The following CPXM2 variants were observed in gnomAD, a reference collection of about 807,000 sequenced individuals.
The protein encoded by CPXM2 is inactive carboxypeptidase-like protein X2.
A neutral mutation model predicts 86.1 loss-of-function variants in CPXM2; 66 were observed. The ratio of observed to expected loss-of-function variants is 0.77; its 90% confidence interval spans 0.63 to 0.94. CPXM2 has a LOEUF of 0.94. CPXM2 is among the 40% of genes least tolerant of loss of function. The pLI is 0.00. For synonymous variants in CPXM2, 388 were observed against 400.2 expected (o/e 0.97, Z 0.36); for missense variants, 948 against 1,026.3 (o/e 0.92, Z 1.04).
intron 6 of CPXM2, among the ~76,000 whole-genome samples, chr10:123,780,496 T>G (rs1846908523): frequency 6.6e-6 from 1 of 152,206 alleles, no homozygotes; most frequent in Admixed American, 6.5e-5. Flanking sequence ...ACATGCTGTA[T>G]GAGTATGTAA....
At chr10:123,915,401 T>C (rs1031650187) in intron 2 of CPXM2, among the ~76,000 whole-genome samples, 45 of 151,940 alleles carry the variant, frequency 3.0e-4, no homozygotes, top group African/African-American at 1.0e-3. Flanking sequence ...CTACTAAAAA[T>C]ATGAAAATTA....
chr10:123,937,948 C>T lies in CPXM2; in HGVS notation n.174+1529G>A, dbSNP rs115902773. Among the ~76,000 whole-genome samples the T allele has an allele frequency of 5.8e-3, 876 of 152,236 alleles. 8 individuals are homozygous for T. The highest frequency in any genetic ancestry group is 0.02 in the African/African-American group (837 of 41,534). ...TCTGGTGCTAGAGCCTTGTGGGAAG[C>T]GTGGAAGCAGCTCTGTCTTCCTTCT... On this transcript the variant is annotated intron_variant and non_coding_transcript_variant, in intron 2 of 19. Coordinates refer to the CPXM2 transcript ENST00000368854.
At chr10:123,796,841 G>A (rs935133288) in intron 6 of CPXM2, among the ~76,000 whole-genome samples, 4 of 152,216 alleles carry the variant, frequency 2.6e-5, no homozygotes, top group African/African-American at 9.6e-5. Flanking sequence ...AGTGACGACT[G>A]TGCCCCATGT....
intron 4 of CPXM2, among the ~76,000 whole-genome samples, chr10:123,812,102 G>A (rs957888953): frequency 6.6e-6 from 1 of 152,096 alleles, no homozygotes; most frequent in Non-Finnish European, 1.5e-5. Context: ...ACATGATCCA[G>A]GAGACATATA....
At chr10:123,874,653 C>T (rs1365701569) in intron 2 of CPXM2, among the ~76,000 whole-genome samples, 1 of 152,102 alleles carries the variant, frequency 6.6e-6, no homozygotes, top group Admixed American at 6.5e-5. Flanking sequence ...GTCAGTAATA[C>T]AGAATAAAGA....
At chr10:123,798,969 G>C (rs992746284) in intron 5 of CPXM2, 146 bp downstream of exon 5, 1 of 851,144 alleles carries the variant, frequency 1.2e-6, no homozygotes, top group Non-Finnish European at 1.9e-6. Flanking sequence ...GGCAGGGAAA[G>C]GGTCTCTGTC....
At chr10:123,788,049 G>T (rs1188671206) in intron 6 of CPXM2, among the ~76,000 whole-genome samples, 3 of 151,960 alleles carry the variant, frequency 2.0e-5, no homozygotes, top group Non-Finnish European at 4.4e-5. Context: ...GGAGGCTGAG[G>T]CGGGTGGATC....
rs556322162 is a variant in CPXM2 at position 123,751,577 on chromosome 10, G to C, written c.2017+3086C>G. 259 of 985,336 alleles carry C rather than the reference G, an allele frequency of 2.6e-4. No individual in the cohort carries two copies. The South Asian group carries it at 5.4e-3, about 21-fold the overall frequency. The allele number at this position is 985,336 out of a possible 1,614,324, so 61.0% of individuals were successfully genotyped here. On this transcript the variant is annotated intron_variant, in intron 13 of 13. Transcript: ENST00000241305. ...TCAGTACCCACCAAGCAAAGGACAG[G>C]CATGTGGAACGGTGAGCCGGGTGTC...
chr10:123,825,885 T>C (rs1038654832), intron 4 of CPXM2, among the ~76,000 whole-genome samples: 1 of 152,154 alleles, frequency 6.6e-6, no homozygotes, highest in Non-Finnish European at 1.5e-5. Context: ...TTTTAAAGAC[T>C]GGTATATTAC....
chr10:123,794,766 T>C (rs879406835), intron 6 of CPXM2, among the ~76,000 whole-genome samples: 18 of 149,986 alleles, frequency 1.2e-4, no homozygotes, highest in Admixed American at 5.3e-4. Context: ...TGTGTGTGTG[T>C]GTGCGCATGT....
intron 2 of CPXM2, chr10:123,931,650 A>T (rs1945667208): frequency 6.6e-6 from 1 of 152,210 alleles, no homozygotes. Flanking sequence ...AACAATGGAT[A>T]AGTTGAACTT....
At position 123,752,077 on chromosome 10, in the gene CPXM2, T is replaced by C. The variant is rs147528091; in HGVS notation, c.2017+2586A>G. ...AATAGTCAAGGAATGTTCTAGGCTC[T>C]TTTAGAATTGTCATTTCAAAGGAGC... On this transcript the variant is annotated intron_variant, in intron 13 of 13. Coordinates refer to ENST00000241305, the MANE Select transcript of CPXM2 (RefSeq NM_198148.3). 1,705 of 985,142 alleles carry C rather than the reference T, an allele frequency of 1.7e-3. 26 individuals carry two copies. In the African/African-American group the frequency reaches 0.028, roughly 16 times the overall value. 61.0% of individuals were successfully genotyped at this position (985,142 alleles called of 1,614,324 possible).
intron 10 of CPXM2, among the ~76,000 whole-genome samples, chr10:123,763,213 G>T (rs191552808): frequency 1.3e-5 from 2 of 152,098 alleles, no homozygotes; most frequent in East Asian, 3.8e-4. Context: ...CTAATATTTC[G>T]TGTTGCAGTA....
intron 3 of CPXM2, among the ~76,000 whole-genome samples, chr10:123,845,015 C>T (rs1277108721): frequency 6.9e-6 from 1 of 144,306 alleles, no homozygotes; most frequent in Non-Finnish European, 1.5e-5. Context: ...TGCAGTGAGC[C>T]AAGATTGCAC....
At chr10:123,923,831 G>A (rs567616405) in intron 2 of CPXM2, among the ~76,000 whole-genome samples, 12 of 152,236 alleles carry the variant, frequency 7.9e-5, no homozygotes, top group Middle Eastern at 3.4e-3. Flanking sequence ...CCCTGCACAC[G>A]CTCTCTCCTC....
intron 2 of CPXM2, among the ~76,000 whole-genome samples, chr10:123,872,187 C>T (rs1564807209): frequency 6.6e-6 from 1 of 152,070 alleles, no homozygotes. Flanking sequence ...TATAGGTATA[C>T]ATGCAAAAAA....
intron 3 of CPXM2, among the ~76,000 whole-genome samples, chr10:123,860,000 G>A (rs1848818537): frequency 6.6e-6 from 1 of 152,176 alleles, no homozygotes; most frequent in South Asian, 2.1e-4. Context: ...CATATCCTCA[G>A]TGCACCTCCC....
chr10:123,746,654 G>T lies in CPXM2; in HGVS notation c.*110C>A. 1 of 1,059,222 alleles carries T rather than the reference G, an allele frequency of 9.4e-7. No homozygotes were observed. The highest frequency in any genetic ancestry group is 1.4e-6 in the Non-Finnish European group (1 of 721,446). The allele number at this position is 1,059,222 out of a possible 1,614,324, so 65.6% of individuals were successfully genotyped here. On this transcript the variant is annotated 3_prime_UTR_variant, in exon 14 of 14. Coordinates refer to ENST00000241305, the MANE Select transcript of CPXM2 (RefSeq NM_198148.3). ...CCTCACAATGCACCCTCTCTTCCAG[G>T]CACTTCTTGAATTACAGAGGAAACA...
intron 4 of CPXM2, among the ~76,000 whole-genome samples, chr10:123,801,494 G>A (rs143140189): frequency 5.9e-5 from 9 of 152,066 alleles, no homozygotes; most frequent in South Asian, 2.1e-4. Flanking sequence ...TTTAACTCCC[G>A]CATTTTCAAG....
Sources: allele counts gnomAD v4.1 joint callset (sites outside exome capture counted in the v4.1 genomes callset), GRCh38; gene constraint gnomAD v4.1.1; transcripts MANE v1.5; gene names NCBI Gene and HGNC (gene_info 2026-07-23, HGNC 2026-07-21).